The following LIPI variants were observed in gnomAD, a reference collection of about 807,000 sequenced individuals.
LIPI encodes the protein lipase member I.
LIPI carries 59 observed loss-of-function variants against 50.6 expected under a neutral mutation model. The ratio of observed to expected loss-of-function variants is 1.16; its 90% CI spans 0.94 to 1.45. The LOEUF (loss-of-function observed/expected upper bound fraction) is 1.45, where lower values mean the gene tolerates loss of function less well. LIPI is among the 40% of genes most tolerant of loss of function. LIPI has a pLI of 0.00. For missense variants in LIPI, 586 were observed against 536.3 expected, an observed-to-expected ratio of 1.09 and a Z score of -0.92; for synonymous variants, 203 against 178.2, an observed-to-expected ratio of 1.14 and a Z score of -1.11.
chr21:14,188,855 G>T (rs530822432), intron 2 of LIPI, among the ~76,000 whole-genome samples, 179 bp downstream of exon 2: 2 of 152,118 alleles, frequency 1.3e-5, no homozygotes, highest in African/African-American at 4.8e-5. Flanking sequence ...ATTCATTTAG[G>T]CAGACAAAGA....
chr21:14,177,042 C>G (rs2019122544), intron 4 of LIPI, among the ~76,000 whole-genome samples: 1 of 152,036 alleles, frequency 6.6e-6, no homozygotes, highest in Admixed American at 6.5e-5. Context: ...TCTATTAGAT[C>G]AATTGTGTTA....
At chr21:14,130,923 C>T (rs1440375626) in intron 9 of LIPI, among the ~76,000 whole-genome samples, 2 of 152,118 alleles carry the variant, frequency 1.3e-5, no homozygotes, top group Non-Finnish European at 2.9e-5. Context: ...GCTGGCTCAC[C>T]ACTCCCACTA....
intron 7 of LIPI, among the ~76,000 whole-genome samples, chr21:14,153,510 C>A (rs932448609): frequency 2.0e-5 from 3 of 152,152 alleles, no homozygotes; most frequent in Non-Finnish European, 2.9e-5. Flanking sequence ...AAGCCACCCT[C>A]CCACTATAAA....
At chr21:14,173,706 T>C (rs2018998739) in intron 4 of LIPI, among the ~76,000 whole-genome samples, 1 of 152,170 alleles carries the variant, frequency 6.6e-6, no homozygotes, top group South Asian at 2.1e-4. Context: ...AGTTCTAGGA[T>C]GTAACAGAAC....
intron 1 of LIPI, among the ~76,000 whole-genome samples, chr21:14,203,205 G>C (rs2020120156): frequency 6.6e-6 from 1 of 152,112 alleles, no homozygotes; most frequent in Non-Finnish European, 1.5e-5. Context: ...AGAGGATGTG[G>C]AGAAATAGGA....
chr21:14,201,732 G>T (rs1395945536), intron 1 of LIPI, among the ~76,000 whole-genome samples: 1 of 152,068 alleles, frequency 6.6e-6, no homozygotes, highest in African/African-American at 2.4e-5. Context: ...CAATATCATA[G>T]TGAGTGGGCA....
At chr21:14,190,816 C>G (rs187860486) in intron 1 of LIPI, among the ~76,000 whole-genome samples, 1 of 152,116 alleles carries the variant, frequency 6.6e-6, no homozygotes, top group Non-Finnish European at 1.5e-5. Flanking sequence ...CACCTTCTCA[C>G]CACCTGGAAT....
rs11909395 is a variant in LIPI at position 14,140,677 on chromosome 21, C to T, written c.1295+3946G>A. Among the ~76,000 whole-genome samples the T allele has an allele frequency of 9.2e-3, 1,403 of 152,102 alleles. 22 individuals are homozygous for T. The highest frequency in any genetic ancestry group is 0.031 in the African/African-American group (1,286 of 41,524). ...ATATGACATATCAAAGTCTTTTTCACTTGTCATTTATTCCAGCATCATTTT... is the reference window on the plus strand; with the variant it reads ...ATATGACATATCAAAGTCTTTTTCATTTGTCATTTATTCCAGCATCATTTT... On this transcript the variant is annotated intron_variant, in intron 9 of 9. Coordinates refer to ENST00000681601, the MANE Select transcript of LIPI (RefSeq NM_001302998.2).
chr21:14,128,023 AAC>A (rs370971301), intron 9 of LIPI, among the ~76,000 whole-genome samples: 98 of 152,248 alleles, frequency 6.4e-4, no homozygotes, highest in Middle Eastern at 3.4e-3. Context: ...AAATGCTTAC[AAC>A]CCAGTTCATG....
intron 4 of LIPI, among the ~76,000 whole-genome samples, chr21:14,179,440 T>C (rs2019196460): frequency 1.3e-5 from 2 of 152,284 alleles, no homozygotes; most frequent in Non-Finnish European, 1.5e-5. Context: ...AGATTAGATC[T>C]GATAGGTTGC....
chr21:14,189,109 A>G lies in LIPI; in HGVS notation c.357T>C (p.Thr119=). ...IVVDWSRGAT[T]FIYNRAVKNT... is the part of the protein sequence containing the mutation. ...TTTTAACTGCTCTATTATAAATAAA[A>G]GTTGTAGCACCCCGGCTCCAGTCTA... Residue 119 remains threonine (T), a synonymous_variant, in exon 2 of 10, where the codon ACT becomes ACC. Coordinates refer to ENST00000681601, the MANE Select transcript of LIPI (RefSeq NM_001302998.2). The G allele has an allele frequency of 1.2e-6, 2 of 1,613,284 alleles. No homozygotes were observed. Among genetic ancestry groups the G allele is most frequent in the Non-Finnish European group, 1.7e-6 (2 of 1,179,970 alleles).
rs2019194521 is a variant in LIPI at position 14,179,381 on chromosome 21, A to G, written c.643+2377T>C. ...AAAATCTGTGTTTCTTATTTGTGAT[A>G]GTCATGAAAAGATCAATCCAATGTT... On this transcript the variant is annotated intron_variant, in intron 4 of 9. Coordinates refer to ENST00000681601, the MANE Select transcript of LIPI (RefSeq NM_001302998.2). Among the ~76,000 whole-genome samples the G allele has an allele frequency of 2.0e-5, 3 of 152,274 alleles. 1 individual carries two copies. In the South Asian group the frequency reaches 6.2e-4, roughly 32 times the overall value.
At chr21:14,156,352 TGTC>T (rs1401055340) in intron 7 of LIPI, among the ~76,000 whole-genome samples, 3 of 151,680 alleles carry the variant, frequency 2.0e-5, no homozygotes, top group Admixed American at 1.3e-4. Context: ...GAAACAGAGA[TGTC>T]GTGCAGAAAA....
At chr21:14,136,761 C>A (rs2017514869) in intron 9 of LIPI, among the ~76,000 whole-genome samples, 2 of 152,116 alleles carry the variant, frequency 1.3e-5, no homozygotes, top group African/African-American at 4.8e-5. Flanking sequence ...AGGTCTTGGG[C>A]AAGACCCAGT....
intron 1 of LIPI, among the ~76,000 whole-genome samples, chr21:14,208,560 A>G (rs1248886210): frequency 2.6e-5 from 4 of 152,206 alleles, no homozygotes; most frequent in Non-Finnish European, 1.5e-5. Flanking sequence ...AAATTATAAT[A>G]TTTGGTGACA....
intron 9 of LIPI, among the ~76,000 whole-genome samples, chr21:14,143,130 G>A (rs566007405): frequency 2.0e-5 from 3 of 152,082 alleles, no homozygotes; most frequent in Non-Finnish European, 4.4e-5. Flanking sequence ...AGTATTAGAT[G>A]TTTTGGAAAA....
intron 9 of LIPI, among the ~76,000 whole-genome samples, chr21:14,140,990 T>A (rs894136110): frequency 6.6e-6 from 1 of 152,190 alleles, no homozygotes; most frequent in Non-Finnish European, 1.5e-5. Context: ...ACATTGAATC[T>A]TCTACTCCGT....
chr21:14,164,075 T>C (rs2018589409), intron 6 of LIPI, among the ~76,000 whole-genome samples: 1 of 150,488 alleles, frequency 6.6e-6, no homozygotes, highest in African/African-American at 2.4e-5. Context: ...ATATTTATTA[T>C]ATATAATATG....
At chr21:14,194,629 G>A (rs899089536) in intron 1 of LIPI, among the ~76,000 whole-genome samples, 1 of 113,814 alleles carries the variant, frequency 8.8e-6, no homozygotes, top group Non-Finnish European at 2.3e-5. Context: ...GATTGTGGTT[G>A]CCCTGGGCTG....
Sources: allele counts gnomAD v4.1 joint callset (sites outside exome capture counted in the v4.1 genomes callset), GRCh38; gene constraint gnomAD v4.1.1; transcripts MANE v1.5; gene names NCBI Gene and HGNC (gene_info 2026-07-23, HGNC 2026-07-21).